Variants in RCOR1 observed in about 807,000 individuals in gnomAD.
RCOR1 encodes REST corepressor 1.
In RCOR1, 12 loss-of-function variants were observed where a neutral mutation model predicts 64.0. That is an observed-to-expected ratio of 0.19 (90% confidence interval 0.12 to 0.30). RCOR1 has a LOEUF of 0.30. RCOR1 is among the 10% of genes least tolerant of loss of function. The probability of loss-of-function intolerance (pLI) is 1.00; values close to 1 mark genes in which losing one functional copy is unlikely to be tolerated. For missense variants in RCOR1, 502 were observed against 621.2 expected (o/e 0.81, Z 2.04); for synonymous variants, 279 against 227.2 (o/e 1.23, Z -2.05).
chr14:102,670,248 C>T (rs983474356), intron 2 of RCOR1, among the ~76,000 whole-genome samples: 8 of 152,196 alleles, frequency 5.3e-5, no homozygotes, highest in Admixed American at 1.3e-4. Context: ...CCACTTCACC[C>T]GGCCAGAATT....
intron 2 of RCOR1, among the ~76,000 whole-genome samples, chr14:102,674,980 G>A (rs1006042212): frequency 2.7e-5 from 4 of 148,364 alleles, no homozygotes; most frequent in East Asian, 2.0e-4. Flanking sequence ...ACATGAACCC[G>A]GGAGGCGGAG....
intron 2 of RCOR1, among the ~76,000 whole-genome samples, chr14:102,599,030 A>G (rs922197021): frequency 3.9e-5 from 6 of 152,182 alleles, no homozygotes; most frequent in African/African-American, 1.4e-4. Flanking sequence ...ACAGAATAAT[A>G]GGGTAAGAGG....
At chr14:102,655,509 G>A in intron 2 of RCOR1, 13 of 976,098 alleles carry the variant, frequency 1.3e-5, no homozygotes, top group Non-Finnish European at 1.6e-5. Flanking sequence ...TTTAAGCACT[G>A]CTTTAGGTAT....
At chr14:102,631,947 A>G (rs1183820270) in intron 2 of RCOR1, among the ~76,000 whole-genome samples, 1 of 151,594 alleles carries the variant, frequency 6.6e-6, no homozygotes, top group South Asian at 2.1e-4. Context: ...ACTACAGACT[A>G]CAAGCGTGAG....
intron 2 of RCOR1, among the ~76,000 whole-genome samples, chr14:102,632,774 C>T (rs1894153394): frequency 1.1e-5 from 1 of 88,586 alleles, no homozygotes; most frequent in Admixed American, 1.2e-4. Flanking sequence ...CCTCCCCTCT[C>T]CTCCCCTCTC....
At chr14:102,630,037 G>C in intron 2 of RCOR1, 1 of 958,972 alleles carries the variant, frequency 1.0e-6, no homozygotes, top group Non-Finnish European at 1.2e-6. Context: ...CTTAACCACT[G>C]CTATAGTTTG....
intron 7 of RCOR1, among the ~76,000 whole-genome samples, chr14:102,711,498 T>G (rs925833743): frequency 6.6e-6 from 1 of 152,196 alleles, no homozygotes; most frequent in Non-Finnish European, 1.5e-5. Context: ...GACCATCCTC[T>G]CTCACATGGT....
chr14:102,659,015 C>A, intron 2 of RCOR1: 1 of 601,196 alleles, frequency 1.7e-6, no homozygotes, highest in African/African-American at 2.0e-5. Flanking sequence ...ACACTCAAGT[C>A]GGGGAGATTT....
At chr14:102,710,396 T>G (rs1018988079) in intron 6 of RCOR1, among the ~76,000 whole-genome samples, 1 of 152,238 alleles carries the variant, frequency 6.6e-6, no homozygotes, top group African/African-American at 2.4e-5. Flanking sequence ...GTAAGTTTTC[T>G]TTTTAAAATT....
At chr14:102,675,213 G>C (rs1030066051) in intron 2 of RCOR1, among the ~76,000 whole-genome samples, 2 of 151,932 alleles carry the variant, frequency 1.3e-5, no homozygotes, top group African/African-American at 4.8e-5. Context: ...AATTTTTGGT[G>C]CACATTTTTG....
chr14:102,652,733 C>T (rs1361602618), intron 2 of RCOR1, among the ~76,000 whole-genome samples: 2 of 152,112 alleles, frequency 1.3e-5, no homozygotes, highest in African/African-American at 2.4e-5. Context: ...GTAACAACCA[C>T]CTGCTTTAAC....
Position 102,729,720 on chromosome 14 carries a change from A to T in RCOR1, c.*3214A>T. 1 of 397,908 alleles carries T rather than the reference A, an allele frequency of 2.5e-6. No individual in the cohort carries two copies. The allele number at this position is 397,908 out of a possible 1,614,324, so 24.6% of individuals were successfully genotyped here. A position where few individuals can be genotyped will look rare whatever the true frequency, so the allele number is the denominator to read the frequency against. On this transcript the variant is annotated 3_prime_UTR_variant, in exon 12 of 12. Transcript: ENST00000262241. ...TCACTTTAAATTTCAACGATACCCT[A>T]TTTTTGTCATTCTAAATATCAGATG... is the stretch of plus-strand genomic sequence containing the variant.
intron 2 of RCOR1, among the ~76,000 whole-genome samples, chr14:102,611,103 C>G (rs1893623599): frequency 6.6e-6 from 1 of 152,046 alleles, no homozygotes; most frequent in Non-Finnish European, 1.5e-5. Context: ...GAGTTTCGCT[C>G]TTGTTGCCCA....
At chr14:102,722,162 A>G (rs1340559202) in intron 10 of RCOR1, 25 bp from the exon 11 acceptor site, 1 of 1,571,506 alleles carries the variant, frequency 6.4e-7, no homozygotes, top group African/African-American at 1.4e-5. Flanking sequence ...CTTGTATTTT[A>G]AAAAATGCTT....
intron 7 of RCOR1, among the ~76,000 whole-genome samples, chr14:102,711,609 A>G (rs1181043824): frequency 6.6e-6 from 1 of 152,220 alleles, no homozygotes; most frequent in African/African-American, 2.4e-5. Context: ...TAACTTTTAC[A>G]TAGGTTCATA....
At chr14:102,681,354 G>A (rs1414047091) in intron 2 of RCOR1, among the ~76,000 whole-genome samples, 1 of 152,150 alleles carries the variant, frequency 6.6e-6, no homozygotes, top group Non-Finnish European at 1.5e-5. Context: ...GCCGCTTGCG[G>A]TTAATTCAGT....
chr14:102,681,921 C>A lies in RCOR1; in HGVS notation c.388C>A (p.Arg130=). ...CAAACTGGCAAGACGCAGTCAAGAACGGGACAATCTTGGCATGTTGGTCTG... is the reference window on the plus strand; with the variant it reads ...CAAACTGGCAAGACGCAGTCAAGAAAGGGACAATCTTGGCATGTTGGTCTG... ...PAKLARRSQE[R]DNLGMLVWSP... Residue 130 remains arginine (R), a synonymous_variant, in exon 3 of 12, where the codon CGG becomes AGG. Coordinates refer to ENST00000262241, the MANE Select transcript of RCOR1 (RefSeq NM_015156.4). The A allele has an allele frequency of 6.2e-7, 1 of 1,613,804 alleles. No homozygotes were observed.
intron 2 of RCOR1, among the ~76,000 whole-genome samples, chr14:102,669,347 T>C (rs1401576002): frequency 6.6e-6 from 1 of 151,770 alleles, no homozygotes; most frequent in Non-Finnish European, 1.5e-5. Context: ...ATACAGGTAT[T>C]GAAATACCAA....
intron 2 of RCOR1, among the ~76,000 whole-genome samples, chr14:102,639,629 G>A: frequency 6.6e-6 from 1 of 151,006 alleles, no homozygotes; most frequent in Admixed American, 6.6e-5. Flanking sequence ...CTCCTCCTGG[G>A]TTCAAGAGAT....
Sources: gnomAD v4.1 joint callset for allele counts (sites outside exome capture counted in the v4.1 genomes callset) on GRCh38, gnomAD v4.1.1 for gene constraint, MANE v1.5 for transcripts, NCBI Gene and HGNC (gene_info 2026-07-23, HGNC 2026-07-21) for gene names.